PTPRO: variants seen among roughly 807,000 people sequenced by gnomAD.
PTPRO encodes the protein protein tyrosine phosphatase receptor type O.
A neutral mutation model predicts 145.2 loss-of-function variants in PTPRO; 62 were observed. That is an observed-to-expected ratio of 0.43 (90% CI 0.35 to 0.53). The LOEUF (loss-of-function observed/expected upper bound fraction) is 0.53, where lower values mean the gene tolerates loss of function less well. PTPRO is among the 20% of genes least tolerant of loss of function. The probability of loss-of-function intolerance (pLI) is 0.01; values close to 1 mark genes in which losing one functional copy is unlikely to be tolerated. For missense variants in PTPRO, 1,345 were observed against 1,482.7 expected (o/e 0.91, Z 1.53); for synonymous variants, 565 against 514.7 (o/e 1.10, Z -1.32).
At chr12:15,578,725 C>A in intron 19 of PTPRO, 128 bp from the exon 20 acceptor site, 2 of 735,128 alleles carry the variant, frequency 2.7e-6, no homozygotes, top group Non-Finnish European at 2.4e-6. Context: ...GGGTGGAGTA[C>A]CTTCCACCTC....
At chr12:15,390,792 A>T (rs940610128) in intron 1 of PTPRO, among the ~76,000 whole-genome samples, 9 of 152,288 alleles carry the variant, frequency 5.9e-5, no homozygotes, top group African/African-American at 2.2e-4. Flanking sequence ...GAAATGGCCA[A>T]TATACCCTGT....
At chr12:15,380,584 G>T (rs1333383523) in intron 1 of PTPRO, among the ~76,000 whole-genome samples, 1 of 152,134 alleles carries the variant, frequency 6.6e-6, no homozygotes, top group South Asian at 2.1e-4. Context: ...ACATTTGCTT[G>T]TTCAGAAAAA....
chr12:15,553,612 C>T (rs189509804), intron 15 of PTPRO, among the ~76,000 whole-genome samples: 2 of 152,268 alleles, frequency 1.3e-5, no homozygotes, highest in Admixed American at 1.3e-4. Flanking sequence ...GCTTCGTATG[C>T]CTTTGGAAGG....
chr12:15,515,981 T>G (rs1942569661), intron 8 of PTPRO, among the ~76,000 whole-genome samples: 1 of 132,180 alleles, frequency 7.6e-6, no homozygotes, highest in African/African-American at 3.1e-5. Context: ...GTCTGGTTTT[T>G]TTTTTGTTTT....
chr12:15,566,031 A>G (rs1943889948), intron 18 of PTPRO, among the ~76,000 whole-genome samples: 1 of 152,170 alleles, frequency 6.6e-6, no homozygotes, highest in Non-Finnish European at 1.5e-5. Context: ...ACTCTATTTG[A>G]TGTTATAATA....
Position 15,563,626 on chromosome 12 carries a change from T to C in PTPRO, c.2712-1967T>C, listed in dbSNP as rs141601702. ...ACATGTAGTGGAATTATACGTTATATTGAAAGTTCATTCAATAATGAATGA... is the reference window on the plus strand; with the variant it reads ...ACATGTAGTGGAATTATACGTTATACTGAAAGTTCATTCAATAATGAATGA... On this transcript the variant is annotated intron_variant, in intron 17 of 26. Coordinates refer to ENST00000281171, the MANE Select transcript of PTPRO (RefSeq NM_030667.3). Among the ~76,000 whole-genome samples the C allele has an allele frequency of 9.2e-5, 14 of 152,226 alleles. No homozygotes were observed. In the East Asian group the frequency reaches 2.5e-3, roughly 27 times the overall value.
chr12:15,418,991 A>G (rs1019638743), intron 1 of PTPRO, among the ~76,000 whole-genome samples: 1 of 151,712 alleles, frequency 6.6e-6, no homozygotes, highest in South Asian at 2.1e-4. Context: ...CATACAGATG[A>G]CACATTTTCT....
intron 1 of PTPRO, among the ~76,000 whole-genome samples, chr12:15,473,021 T>G (rs1357434692): frequency 6.6e-6 from 1 of 152,182 alleles, no homozygotes; most frequent in Non-Finnish European, 1.5e-5. Flanking sequence ...ATGATTCCCC[T>G]AGACTGCTTC....
chr12:15,397,633 A>T (rs889919087), intron 1 of PTPRO, among the ~76,000 whole-genome samples: 3 of 152,202 alleles, frequency 2.0e-5, no homozygotes, highest in Non-Finnish European at 4.4e-5. Context: ...CCCACAAGGC[A>T]TAGGGTTTGT....
chr12:15,424,564 G>T (rs1591799442), intron 1 of PTPRO, among the ~76,000 whole-genome samples: 1 of 152,120 alleles, frequency 6.6e-6, no homozygotes, highest in Middle Eastern at 3.4e-3. Flanking sequence ...CATGCACATA[G>T]AATGATTAAA....
intron 1 of PTPRO, among the ~76,000 whole-genome samples, chr12:15,350,160 G>T (rs1427928831): frequency 6.6e-6 from 1 of 152,196 alleles, no homozygotes; most frequent in Non-Finnish European, 1.5e-5. Context: ...AATAGTGAAA[G>T]AATCTATCCT....
At chr12:15,333,121 G>T (rs759305810) in intron 1 of PTPRO, among the ~76,000 whole-genome samples, 40 of 152,168 alleles carry the variant, frequency 2.6e-4, no homozygotes, top group Non-Finnish European at 4.7e-4. Flanking sequence ...ACCATGGTAA[G>T]GAGTTGGGAA....
At chr12:15,528,948 T>C (rs1294348577) in intron 12 of PTPRO, among the ~76,000 whole-genome samples, 1 of 152,116 alleles carries the variant, frequency 6.6e-6, no homozygotes, top group Admixed American at 6.5e-5. Flanking sequence ...ATAAAGTATT[T>C]CTCAGAAAAA....
chr12:15,456,493 T>C (rs1941181124), intron 1 of PTPRO, among the ~76,000 whole-genome samples: 1 of 152,244 alleles, frequency 6.6e-6, no homozygotes, highest in African/African-American at 2.4e-5. Context: ...CTTGGTATTT[T>C]AATATTTGGC....
At chr12:15,334,232 C>T (rs1384075876) in intron 1 of PTPRO, among the ~76,000 whole-genome samples, 4 of 152,078 alleles carry the variant, frequency 2.6e-5, no homozygotes, top group Admixed American at 2.0e-4. Flanking sequence ...TTTAAATGCA[C>T]ATAGATACCT....
At chr12:15,377,094 T>A (rs1406875606) in intron 1 of PTPRO, among the ~76,000 whole-genome samples, 1 of 152,130 alleles carries the variant, frequency 6.6e-6, no homozygotes, top group East Asian at 1.9e-4. Flanking sequence ...TGGAGTAAAG[T>A]CTCAGTATAT....
chr12:15,478,455 C>T (rs550595695), intron 1 of PTPRO, among the ~76,000 whole-genome samples: 2 of 152,224 alleles, frequency 1.3e-5, no homozygotes, highest in African/African-American at 4.8e-5. Context: ...TCTTAATGTG[C>T]ATTAGTGTTA....
At position 15,598,078 on chromosome 12, in the gene PTPRO, C is replaced by T. The variant is rs997703209; in HGVS notation, c.*2005C>T. The stretch of plus-strand genomic sequence containing the variant: ...AATATTTTATGTTTTTCTTGAGCAC[C>T]CTTTCAAGGTAGGGATCAAATAGTG... On this transcript the variant is annotated 3_prime_UTR_variant, in exon 27 of 27. Transcript: ENST00000281171. 1.3e-5 allele frequency among the ~76,000 whole-genome samples: 2 copies of T among 152,074 alleles called. No individual in the cohort carries two copies. The highest frequency in any genetic ancestry group is 2.9e-5 in the Non-Finnish European group (2 of 68,014).
chr12:15,579,178 A>C, intron 20 of PTPRO, among the ~76,000 whole-genome samples: 1 of 152,206 alleles, frequency 6.6e-6, no homozygotes, highest in East Asian at 1.9e-4. Flanking sequence ...AAGACTGATC[A>C]TTTGGCCCTT....
Sources: gnomAD v4.1 joint callset for allele counts (sites outside exome capture counted in the v4.1 genomes callset) on GRCh38, gnomAD v4.1.1 for gene constraint, MANE v1.5 for transcripts, NCBI Gene and HGNC (gene_info 2026-07-23, HGNC 2026-07-21) for gene names.